The following MICU3 variants were observed in gnomAD, a reference collection of about 807,000 sequenced individuals.
MICU3 encodes the protein mitochondrial calcium uptake 3, also known as calcium uptake protein 3, mitochondrial.
In MICU3, 62 loss-of-function variants were observed where a neutral mutation model predicts 66.5. That is an observed-to-expected ratio of 0.93 (90% confidence interval 0.76 to 1.15). The LOEUF is 1.15. Among genes scored for constraint, MICU3 ranks in the 50% most tolerant of loss-of-function variants. The pLI, the probability that MICU3 is intolerant of heterozygous loss-of-function variation, is 0.00. For synonymous variants in MICU3, 308 were observed against 240.7 expected (o/e 1.28, Z -2.59); for missense variants, 779 against 664.4 (o/e 1.17, Z -1.90).
the MICU3 span, among the ~76,000 whole-genome samples, chr8:17,136,744 C>T: frequency 1.3e-5 from 2 of 151,902 alleles, no homozygotes; most frequent in Non-Finnish European, 2.9e-5. Flanking sequence ...AGTCTTCAGG[C>T]AGAGCATGGT....
the MICU3 span, chr8:17,134,339 A>G: frequency 6.6e-6 from 1 of 152,476 alleles, no homozygotes; most frequent in Non-Finnish European, 1.5e-5. Flanking sequence ...TCTAGTCCAA[A>G]GGCTGGCAGG....
chr8:17,104,514 A>G lies in MICU3; in HGVS notation c.1085+23A>G, dbSNP rs141934394. ...TAGGTGAGCTTATTTTTATATTTTT[A>G]TTAAAAATTATTAGCCTACTGAAAT... On this transcript the variant is annotated intron_variant, in intron 10 of 14. Coordinates refer to ENST00000318063, the MANE Select transcript of MICU3 (RefSeq NM_181723.3). 2,452 of 1,189,040 alleles carry G rather than the reference A, an allele frequency of 2.1e-3. 49 individuals carry two copies. The African/African-American group carries it at 0.032, about 15-fold the overall frequency. 73.7% of individuals were successfully genotyped at this position (1,189,040 alleles called of 1,614,324 possible). A position where few individuals can be genotyped will look rare whatever the true frequency, so the allele number is the denominator to read the frequency against.
intron 1 of MICU3, among the ~76,000 whole-genome samples, chr8:17,042,855 G>C (rs962098431): frequency 6.6e-6 from 1 of 151,426 alleles, no homozygotes; most frequent in African/African-American, 2.4e-5. Context: ...TATTGACTAG[G>C]TGAGATATTT....
At chr8:17,134,165 T>C in the MICU3 span, 3 of 152,226 alleles carry the variant, frequency 2.0e-5, no homozygotes, top group Non-Finnish European at 4.4e-5. Context: ...CAATGGGATG[T>C]ACATAAAGAG....
chr8:17,033,594 AC>A (rs1271499174), intron 1 of MICU3, among the ~76,000 whole-genome samples: 1 of 151,766 alleles, frequency 6.6e-6, no homozygotes, highest in Non-Finnish European at 1.5e-5. Flanking sequence ...CCACCACCAC[AC>A]CCAGCTAATT....
chr8:17,088,212 C>A (rs929305763), intron 7 of MICU3, among the ~76,000 whole-genome samples: 1 of 151,894 alleles, frequency 6.6e-6, no homozygotes, highest in South Asian at 2.1e-4. Flanking sequence ...TTGAACATCC[C>A]TCAGTATACT....
intron 1 of MICU3, among the ~76,000 whole-genome samples, chr8:17,063,235 A>G (rs2150627547): frequency 6.6e-6 from 1 of 152,268 alleles, no homozygotes; most frequent in Non-Finnish European, 1.5e-5. Flanking sequence ...TACGGTAACT[A>G]CTAGAATATT....
chr8:17,058,276 A>G (rs1199894411), intron 1 of MICU3, among the ~76,000 whole-genome samples: 1 of 152,216 alleles, frequency 6.6e-6, no homozygotes, highest in African/African-American at 2.4e-5. Flanking sequence ...TTTAAAAGAT[A>G]TATTGGATCT....
At chr8:17,040,050 A>C (rs1156341267) in intron 1 of MICU3, among the ~76,000 whole-genome samples, 1 of 151,640 alleles carries the variant, frequency 6.6e-6, no homozygotes, top group Non-Finnish European at 1.5e-5. Context: ...TGGGATTACA[A>C]GCATGCGCCA....
intron 1 of MICU3, among the ~76,000 whole-genome samples, chr8:17,062,248 T>G (rs1275122654): frequency 3.9e-5 from 6 of 152,200 alleles, no homozygotes. Context: ...CCTGAAGCCT[T>G]CTTTTTAAGC....
Position 17,036,812 on chromosome 8 carries a change from G to A in MICU3, c.381+9152G>A, listed in dbSNP as rs537768348. On this transcript the variant is annotated intron_variant, in intron 1 of 14. Transcript: ENST00000318063. Reference sequence around the variant, plus strand: ...GCTACCTGCCAGTCCCGCGCCGTGCGCTCGCACTCCTCAGCCCTTGGGTGG... The same window carrying A: ...GCTACCTGCCAGTCCCGCGCCGTGCACTCGCACTCCTCAGCCCTTGGGTGG... 5.3e-5 allele frequency among the ~76,000 whole-genome samples: 8 copies of A among 152,322 alleles called. No homozygotes were observed. The East Asian group carries it at 1.4e-3, about 26-fold the overall frequency.
chr8:17,032,863 G>C (rs1195000999), intron 1 of MICU3, among the ~76,000 whole-genome samples: 1 of 152,268 alleles, frequency 6.6e-6, no homozygotes, highest in East Asian at 1.9e-4. Flanking sequence ...GATAATTCTT[G>C]CAGTATTTCA....
intron 1 of MICU3, among the ~76,000 whole-genome samples, chr8:17,034,886 C>G (rs1812712878): frequency 6.6e-6 from 1 of 152,176 alleles, no homozygotes; most frequent in Non-Finnish European, 1.5e-5. Context: ...ATTCCATGAG[C>G]TTATTTGATA....
intron 1 of MICU3, among the ~76,000 whole-genome samples, chr8:17,033,571 G>A (rs1334901583): frequency 6.6e-6 from 1 of 151,930 alleles, no homozygotes; most frequent in African/African-American, 2.4e-5. Flanking sequence ...CGAGTAGCTG[G>A]GACTGCAGGC....
At chr8:17,137,831 C>T in the MICU3 span, among the ~76,000 whole-genome samples, 4 of 149,346 alleles carry the variant, frequency 2.7e-5, no homozygotes, top group Non-Finnish European at 4.4e-5. Context: ...GTTCTCCTGC[C>T]TCAGCCTCCT....
rs535850722 is a variant in MICU3 at position 17,119,771 on chromosome 8, AG to A, written c.*1-515del. On this transcript the variant is annotated intron_variant, in intron 14 of 14. Coordinates refer to ENST00000318063, the MANE Select transcript of MICU3 (RefSeq NM_181723.3). The stretch of plus-strand genomic sequence containing the variant: ...GGCAGTATTCAGCATTTTACAAATT[AG>A]GTTTGAGATCTAGTGTTTTATGGAA... 3.9e-5 allele frequency among the ~76,000 whole-genome samples: 6 copies of A among 152,308 alleles called. No homozygotes were observed. The South Asian group carries it at 1.2e-3, about 32-fold the overall frequency.
intron 7 of MICU3, among the ~76,000 whole-genome samples, chr8:17,088,933 G>C (rs1406246154): frequency 4.0e-5 from 6 of 151,808 alleles, no homozygotes; most frequent in Non-Finnish European, 8.8e-5. Flanking sequence ...AAATCCATCT[G>C]AATTATATAA....
At chr8:17,039,145 TTTAAA>T (rs1813593766) in intron 1 of MICU3, among the ~76,000 whole-genome samples, 1 of 152,272 alleles carries the variant, frequency 6.6e-6, no homozygotes, top group South Asian at 2.1e-4. Context: ...ATAAAGTATT[TTTAAA>T]TTAAGTTATG....
At chr8:17,116,399 A>G (rs753024322) in intron 12 of MICU3, 44 bp from the exon 13 acceptor site, 12 of 1,248,574 alleles carry the variant, frequency 9.6e-6, no homozygotes, top group Non-Finnish European at 1.3e-5. Context: ...ACATATTATA[A>G]AAATAATAAC....
Sources: gnomAD v4.1 joint callset for allele counts (sites outside exome capture counted in the v4.1 genomes callset) on GRCh38, gnomAD v4.1.1 for gene constraint, MANE v1.5 for transcripts, NCBI Gene and HGNC (gene_info 2026-07-23, HGNC 2026-07-21) for gene names.